The following RBPJ variants were observed in gnomAD, a reference collection of about 807,000 sequenced individuals.
The protein encoded by RBPJ is recombination signal binding protein for immunoglobulin kappa J region.
RBPJ carries 9 observed loss-of-function variants against 67.8 expected under a neutral mutation model. The ratio of observed to expected loss-of-function variants is 0.13; its 90% confidence interval spans 0.08 to 0.23. RBPJ has a LOEUF of 0.23. RBPJ is among the 10% of genes least tolerant of loss of function. The pLI is 1.00. For missense variants in RBPJ, 305 were observed against 595.6 expected, an observed-to-expected ratio of 0.51 and a Z score of 5.08; for synonymous variants, 198 against 203.3, an observed-to-expected ratio of 0.97 and a Z score of 0.22.
At position 26,227,973 on chromosome 4, in the gene RBPJ, C is replaced by T. The variant is rs976360678; in HGVS notation, c.-167+64359C>T. ...CGGGCAGTTCCTGCCTCTGTGCCAG[C>T]GTCACCGTGATGCGCAAGCCATTGG... On this transcript the variant is annotated intron_variant, in intron 1 of 4. Coordinates refer to the RBPJ transcript ENST00000512351. Among the ~76,000 whole-genome samples, 9 of 152,332 alleles carry T rather than the reference C, an allele frequency of 5.9e-5. No individual in the cohort carries two copies. The East Asian group carries it at 1.2e-3, about 20-fold the overall frequency.
upstream of RBPJ, among the ~76,000 whole-genome samples, chr4:26,316,828 T>TG (rs1432432677): frequency 6.9e-5 from 2 of 29,120 alleles, no homozygotes; most frequent in Non-Finnish European, 1.3e-4. Flanking sequence ...CCCAGACGAC[T>TG]TTTTTTTTTT....
intron 2 of RBPJ, among the ~76,000 whole-genome samples, chr4:26,403,389 T>A (rs575745895): frequency 1.6e-4 from 24 of 152,324 alleles, no homozygotes; most frequent in South Asian, 1.0e-3. Flanking sequence ...GAATTTTTTT[T>A]AAAAACTTTT....
chr4:26,352,078 C>T (rs527570585), intron 1 of RBPJ, among the ~76,000 whole-genome samples: 9 of 152,322 alleles, frequency 5.9e-5, no homozygotes, highest in African/African-American at 1.7e-4. Context: ...TATACTCCTG[C>T]AGCCTTGTCC....
At chr4:26,272,622 A>G in intron 1 of RBPJ, 1 of 440,724 alleles carries the variant, frequency 2.3e-6, no homozygotes, top group Non-Finnish European at 4.5e-6. Flanking sequence ...AAAACTACAG[A>G]TTTGGTTGCA....
chr4:26,255,259 C>A (rs1720268140), intron 1 of RBPJ, among the ~76,000 whole-genome samples: 1 of 139,030 alleles, frequency 7.2e-6, no homozygotes, highest in South Asian at 2.3e-4. Context: ...AAAAAATGAG[C>A]CGGGCGTGGT....
At chr4:26,232,058 AT>A (rs956342605) in intron 1 of RBPJ, among the ~76,000 whole-genome samples, 2 of 146,964 alleles carry the variant, frequency 1.4e-5, no homozygotes. Context: ...TGCTCGGCCA[AT>A]TTTTTTTTGT....
intron 1 of RBPJ, among the ~76,000 whole-genome samples, chr4:26,297,216 A>G (rs761937455): frequency 8.5e-5 from 13 of 152,158 alleles, no homozygotes; most frequent in African/African-American, 2.9e-4. Context: ...GGATCACTTG[A>G]ACCTGGGAGG....
chr4:26,392,691 G>T (rs182642683), intron 2 of RBPJ, among the ~76,000 whole-genome samples: 2 of 152,124 alleles, frequency 1.3e-5, no homozygotes, highest in African/African-American at 4.8e-5. Context: ...TTACAAAAAG[G>T]CAGAAAGGAA....
Position 26,431,725 on chromosome 4 carries a change from G to A in RBPJ, c.*718G>A, listed in dbSNP as rs1166281011. ...TTTTTTAAGATTATATGAAGTCTGT[G>A]CAAAAGCTTTAAAAAAATGCCTCTG... On this transcript the variant is annotated 3_prime_UTR_variant, in exon 11 of 11. Coordinates refer to ENST00000355476, the MANE Select transcript of RBPJ (RefSeq NM_015874.6). 6.6e-6 allele frequency: 1 copy of A among 151,770 alleles called. No individual in the cohort carries two copies. Among genetic ancestry groups the A allele is most frequent in the Non-Finnish European group, 1.5e-5 (1 of 67,980 alleles). 9.4% of individuals were successfully genotyped at this position (151,770 alleles called of 1,614,324 possible).
At chr4:26,180,332 TA>T (rs11344714) in intron 1 of RBPJ, among the ~76,000 whole-genome samples, 95,029 of 146,678 alleles carry the variant, frequency 0.65, 31,232 homozygotes, top group African/African-American at 0.83. Flanking sequence ...AAATAAAGGT[TA>T]AAAAAAAAAA....
At chr4:26,173,896 C>T (rs543096401) in intron 1 of RBPJ, among the ~76,000 whole-genome samples, 4 of 152,146 alleles carry the variant, frequency 2.6e-5, no homozygotes, top group Non-Finnish European at 2.9e-5. Context: ...AGCTAAGAGA[C>T]AACGTGATAA....
intron 1 of RBPJ, among the ~76,000 whole-genome samples, chr4:26,188,131 C>A (rs1347061573): frequency 6.6e-6 from 1 of 152,118 alleles, no homozygotes; most frequent in East Asian, 1.9e-4. Flanking sequence ...ATCCCTTGAA[C>A]CCAGGAGGTG....
intron 1 of RBPJ, among the ~76,000 whole-genome samples, chr4:26,270,998 T>G (rs111512496): frequency 7.0e-4 from 106 of 152,160 alleles, no homozygotes; most frequent in African/African-American, 2.5e-3. Flanking sequence ...TCATACAACT[T>G]TTATACAGTA....
chr4:26,143,852 C>T, the RBPJ span, among the ~76,000 whole-genome samples: 1 of 152,160 alleles, frequency 6.6e-6, no homozygotes, highest in Non-Finnish European at 1.5e-5. Context: ...CACTTGAGCT[C>T]TGGAGGAAGA....
chr4:26,319,109 A>C (rs892370955), upstream of RBPJ, among the ~76,000 whole-genome samples: 11 of 151,860 alleles, frequency 7.2e-5, no homozygotes, highest in Non-Finnish European at 1.5e-4. Context: ...GACTCAAGGC[A>C]TGACTCAAAC....
intron 1 of RBPJ, among the ~76,000 whole-genome samples, chr4:26,230,363 G>A (rs1174854704): frequency 6.6e-6 from 1 of 152,156 alleles, no homozygotes; most frequent in Non-Finnish European, 1.5e-5. Flanking sequence ...TAATAATAAC[G>A]ATAACATCTA....
At chr4:26,280,545 C>T (rs1246081060) in intron 1 of RBPJ, among the ~76,000 whole-genome samples, 1 of 151,980 alleles carries the variant, frequency 6.6e-6, no homozygotes, top group Non-Finnish European at 1.5e-5. Flanking sequence ...AGGAGCTTTG[C>T]AAACATTTTA....
chr4:26,169,351 G>C (rs1716461828), intron 1 of RBPJ, among the ~76,000 whole-genome samples: 1 of 152,244 alleles, frequency 6.6e-6, no homozygotes, highest in Admixed American at 6.5e-5. Flanking sequence ...GACCCTATTT[G>C]CCTGGGTATC....
At chr4:26,179,607 C>T (rs980766159) in intron 1 of RBPJ, among the ~76,000 whole-genome samples, 3 of 151,962 alleles carry the variant, frequency 2.0e-5, no homozygotes, top group African/African-American at 7.3e-5. Context: ...AAATCAAAAC[C>T]ACAATGAGTT....
Sources: allele counts gnomAD v4.1 joint callset (sites outside exome capture counted in the v4.1 genomes callset), GRCh38; gene constraint gnomAD v4.1.1; transcripts MANE v1.5; gene names NCBI Gene and HGNC (gene_info 2026-07-23, HGNC 2026-07-21).